The following COG5 variants were observed in gnomAD, a reference collection of about 807,000 sequenced individuals.
COG5 encodes the protein conserved oligomeric Golgi complex subunit 5.
In COG5, 86 loss-of-function variants were observed where a neutral mutation model predicts 110.4. That is an observed-to-expected ratio of 0.78 (90% CI 0.65 to 0.93). COG5 has a LOEUF of 0.93. Among genes scored for constraint, COG5 ranks in the 40% least tolerant of loss-of-function variants. COG5 has a pLI of 0.00. For synonymous variants in COG5, 360 were observed against 334.6 expected (o/e 1.08, Z -0.83); for missense variants, 1,077 against 987.0 (o/e 1.09, Z -1.22).
intron 17 of COG5, among the ~76,000 whole-genome samples, chr7:107,239,858 C>T (rs1416145289): frequency 2.6e-5 from 4 of 152,172 alleles, no homozygotes; most frequent in Non-Finnish European, 2.9e-5. Context: ...TTTCAGCTCC[C>T]TTTAATTTGT....
intron 6 of COG5, among the ~76,000 whole-genome samples, chr7:107,491,255 ATTACT>A (rs1797958886): frequency 6.6e-6 from 1 of 152,074 alleles, no homozygotes; most frequent in African/African-American, 2.4e-5. Flanking sequence ...CCAAGCAGAG[ATTACT>A]TTGCTTCTTT....
chr7:107,411,474 A>C (rs1002613963), intron 7 of COG5, among the ~76,000 whole-genome samples: 1 of 152,146 alleles, frequency 6.6e-6, no homozygotes, highest in African/African-American at 2.4e-5. Context: ...ATCTTTGGGG[A>C]AGCCAGAAGA....
chr7:107,305,008 T>C (rs556543298), intron 11 of COG5, among the ~76,000 whole-genome samples: 7 of 152,278 alleles, frequency 4.6e-5, no homozygotes, highest in African/African-American at 1.4e-4. Context: ...TTATGTAACA[T>C]AATGTCAGGA....
intron 21 of COG5, among the ~76,000 whole-genome samples, chr7:107,204,489 CA>C (rs1466808986): frequency 6.6e-6 from 1 of 151,962 alleles, no homozygotes; most frequent in African/African-American, 2.4e-5. Flanking sequence ...ATTTAAGTAC[CA>C]GGTACACAAA....
chr7:107,554,425 T>C, intron 2 of COG5, 83 bp from the exon 3 acceptor site: 1 of 1,238,128 alleles, frequency 8.1e-7, no homozygotes, highest in South Asian at 1.2e-5. Context: ...ACAGTCTCTC[T>C]TGGTGTAGAA....
At chr7:107,446,582 A>G (rs1056218476) in intron 6 of COG5, among the ~76,000 whole-genome samples, 5 of 152,172 alleles carry the variant, frequency 3.3e-5, no homozygotes, top group Admixed American at 3.3e-4. Context: ...TTGACTTTAA[A>G]AAACATTATG....
chr7:107,361,914 T>C, intron 10 of COG5, 119 bp downstream of exon 10: 1 of 676,848 alleles, frequency 1.5e-6, no homozygotes, highest in Non-Finnish European at 2.7e-6. Flanking sequence ...AGAAATACAC[T>C]TCTCTATTGC....
At chr7:107,459,486 T>C (rs538101160) in intron 6 of COG5, among the ~76,000 whole-genome samples, 54 of 151,930 alleles carry the variant, frequency 3.6e-4, no homozygotes, top group African/African-American at 1.3e-3. Context: ...AAAAAAAAAT[T>C]ATCTTTATTT....
intron 3 of COG5, among the ~76,000 whole-genome samples, chr7:107,550,457 A>G (rs1295987774): frequency 6.6e-6 from 1 of 152,136 alleles, no homozygotes; most frequent in Non-Finnish European, 1.5e-5. Context: ...CTTCCCAAGA[A>G]CCTTATCTAC....
chr7:107,238,164 C>T (rs897330466), intron 17 of COG5, among the ~76,000 whole-genome samples: 4 of 152,162 alleles, frequency 2.6e-5, no homozygotes, highest in African/African-American at 9.7e-5. Flanking sequence ...CCCTCCACCC[C>T]ATAGCTGCTA....
At chr7:107,473,699 A>G (rs541768751) in intron 6 of COG5, among the ~76,000 whole-genome samples, 5 of 152,148 alleles carry the variant, frequency 3.3e-5, no homozygotes, top group Admixed American at 2.0e-4. Context: ...GGCTGAAATT[A>G]ATTTTGTATG....
At chr7:107,559,567 AC>A (rs1457143897) in intron 1 of COG5, among the ~76,000 whole-genome samples, 1 of 152,226 alleles carries the variant, frequency 6.6e-6, no homozygotes, top group Admixed American at 6.5e-5. Flanking sequence ...ACTAATCTAT[AC>A]ATCAGCTGAT....
intron 8 of COG5, among the ~76,000 whole-genome samples, chr7:107,370,565 C>G (rs1814049263): frequency 6.6e-6 from 1 of 151,794 alleles, no homozygotes; most frequent in African/African-American, 2.4e-5. Context: ...GTGGGCGGAT[C>G]ACCTGAGGTC....
chr7:107,306,969 T>A (rs1485656311), intron 11 of COG5, among the ~76,000 whole-genome samples: 6 of 152,318 alleles, frequency 3.9e-5, no homozygotes, highest in Non-Finnish European at 1.5e-5. Flanking sequence ...CACCTCACTT[T>A]CTACTGGCTT....
chr7:107,350,606 A>AT (rs897135961), intron 10 of COG5, among the ~76,000 whole-genome samples: 10 of 152,180 alleles, frequency 6.6e-5, no homozygotes, highest in African/African-American at 2.4e-4. Flanking sequence ...GAGATTGGCA[A>AT]TTTTTTACTG....
intron 10 of COG5, among the ~76,000 whole-genome samples, chr7:107,354,675 TCAA>T (rs561856411): frequency 1.1e-4 from 16 of 152,186 alleles, no homozygotes; most frequent in South Asian, 2.1e-4. Flanking sequence ...AGACTCCGTC[TCAA>T]CAACAACAAC....
chr7:107,342,031 C>T (rs1811205732), intron 10 of COG5, among the ~76,000 whole-genome samples: 1 of 151,930 alleles, frequency 6.6e-6, no homozygotes, highest in Admixed American at 6.6e-5. Flanking sequence ...CAAAGTGAGG[C>T]CTAATTAGGC....
Position 107,298,189 on chromosome 7 carries a change from C to G in COG5, c.1266G>C (p.Met422Ile), listed in dbSNP as rs778784886. The G allele has an allele frequency of 6.2e-7, 1 of 1,612,778 alleles. No homozygotes were observed. The highest frequency in any genetic ancestry group is 1.7e-5 in the Admixed American group (1 of 60,006). ...TTDLYVDLQH[M>I]EDDAQDIFIP... ...TGAATATATCTTGTGCATCATCTTC[C>G]ATGTGTTGTAGGTCAACATAGAGGT... Residue 422 changes from methionine (M) to isoleucine (I), a missense_variant, in exon 12 of 22, where the codon ATG (methionine) becomes ATC (isoleucine). By Grantham distance (10) the Met-to-Ile change is conservative. Coordinates refer to ENST00000297135, the MANE Select transcript of COG5 (RefSeq NM_006348.5).
intron 6 of COG5, among the ~76,000 whole-genome samples, chr7:107,502,503 A>G (rs1408868647): frequency 6.6e-6 from 1 of 152,138 alleles, no homozygotes; most frequent in Non-Finnish European, 1.5e-5. Flanking sequence ...TGTCTTTTTC[A>G]TATAATGACT....
Sources: gnomAD v4.1 joint callset for allele counts (sites outside exome capture counted in the v4.1 genomes callset) on GRCh38, gnomAD v4.1.1 for gene constraint, MANE v1.5 for transcripts, NCBI Gene and HGNC (gene_info 2026-07-23, HGNC 2026-07-21) for gene names.